RABGEF1: variants seen among roughly 807,000 people sequenced by gnomAD.
RABGEF1 encodes the protein rab5 GDP/GTP exchange factor.
A neutral mutation model predicts 57.3 loss-of-function variants in RABGEF1; 26 were observed. The ratio of observed to expected loss-of-function variants is 0.45; its 90% CI spans 0.33 to 0.63. The LOEUF is 0.63. RABGEF1 is among the 20% of genes least tolerant of loss of function. The probability of loss-of-function intolerance (pLI) is 0.02; values close to 1 mark genes in which losing one functional copy is unlikely to be tolerated. For missense variants in RABGEF1, 464 were observed against 607.6 expected, an observed-to-expected ratio of 0.76 and a Z score of 2.48; for synonymous variants, 185 against 210.7, an observed-to-expected ratio of 0.88 and a Z score of 1.06.
chr7:66,657,005 A>G, the RABGEF1 span, among the ~76,000 whole-genome samples: 1 of 152,158 alleles, frequency 6.6e-6, no homozygotes, highest in East Asian at 1.9e-4. Flanking sequence ...ATCAAAACAT[A>G]TGAAGTAAAA....
chr7:66,771,885 G>T lies in RABGEF1; in HGVS notation c.-15G>T. The T allele has an allele frequency of 6.8e-7, 1 of 1,479,654 alleles. No individual in the cohort carries two copies. The highest frequency in any genetic ancestry group is 9.0e-7 in the Non-Finnish European group (1 of 1,107,536). The allele number at this position is 1,479,654 out of a possible 1,614,324, so 91.7% of individuals were successfully genotyped here. A position where few individuals can be genotyped will look rare whatever the true frequency, so the allele number is the denominator to read the frequency against. ...ACAGCACTTTCTTGTTTGTTCAGTG[G>T]TTAGCAGGAAGAAGATGAGCCTTAA... On this transcript the variant is annotated splice_region_variant and 5_prime_UTR_variant, in exon 2 of 9. Coordinates refer to ENST00000284957, the MANE Select transcript of RABGEF1 (RefSeq NM_014504.3).
intron 6 of RABGEF1, among the ~76,000 whole-genome samples, chr7:66,799,009 A>G (rs1368790524): frequency 6.6e-6 from 1 of 152,254 alleles, no homozygotes; most frequent in African/African-American, 2.4e-5. Context: ...GTAGGCAGCG[A>G]GGACAGGCAG....
intron 1 of RABGEF1, among the ~76,000 whole-genome samples, chr7:66,751,455 ATG>A (rs1202423675): frequency 1.3e-5 from 2 of 152,154 alleles, no homozygotes; most frequent in African/African-American, 2.4e-5. Context: ...AGTTATCTGA[ATG>A]TGAGACATCG....
upstream of RABGEF1, among the ~76,000 whole-genome samples, chr7:66,681,718 C>A (rs1882654): frequency 0.065 from 9,928 of 152,230 alleles, 1,057 homozygotes; most frequent in African/African-American, 0.22. Flanking sequence ...TTAACTCGAA[C>A]ACCTGTCACA....
At chr7:66,677,766 A>C (rs1334062322), upstream of RABGEF1, among the ~76,000 whole-genome samples, 1 of 150,694 alleles carries the variant, frequency 6.6e-6, no homozygotes, top group Non-Finnish European at 1.5e-5. Flanking sequence ...CGTCTCAAAA[A>C]AAAAAAAAAA....
intron 2 of RABGEF1, among the ~76,000 whole-genome samples, chr7:66,724,351 G>GTATT (rs1294532536): frequency 6.6e-6 from 1 of 151,514 alleles, no homozygotes; most frequent in Non-Finnish European, 1.5e-5. Context: ...CTTTGAATCA[G>GTATT]TATTTATTTA....
intron 1 of RABGEF1, among the ~76,000 whole-genome samples, chr7:66,704,350 G>A (rs1793706025): frequency 6.6e-6 from 1 of 152,100 alleles, no homozygotes; most frequent in African/African-American, 2.4e-5. Flanking sequence ...CTTTTTGCCA[G>A]CTTAATTATT....
chr7:66,798,899 C>T (rs1390222736), intron 6 of RABGEF1, among the ~76,000 whole-genome samples: 1 of 152,080 alleles, frequency 6.6e-6, no homozygotes, highest in Non-Finnish European at 1.5e-5. Context: ...GATGCAGAGG[C>T]TGCAGTGAGC....
intron 1 of RABGEF1, among the ~76,000 whole-genome samples, chr7:66,689,360 G>T (rs1190301523): frequency 3.3e-5 from 5 of 151,622 alleles, no homozygotes; most frequent in Admixed American, 1.3e-4. Context: ...GAATGAAAAT[G>T]AGGACATTAC....
At chr7:66,713,764 A>G (rs1795042604) in intron 2 of RABGEF1, among the ~76,000 whole-genome samples, 1 of 152,238 alleles carries the variant, frequency 6.6e-6, no homozygotes, top group South Asian at 2.1e-4. Flanking sequence ...TGCATATGAT[A>G]CATTGATACG....
intron 1 of RABGEF1, among the ~76,000 whole-genome samples, chr7:66,768,425 C>A (rs1037639114): frequency 2.0e-5 from 3 of 152,168 alleles, no homozygotes; most frequent in African/African-American, 7.2e-5. Flanking sequence ...GTTCTTTATA[C>A]ATTCTGGGTA....
In RABGEF1 at chr7:66,742,759, A is replaced by G. The variant is rs988481398; in HGVS notation, c.-18+1967A>G. The stretch of plus-strand genomic sequence containing the variant: ...GTAGCTAAGACTGCAGATGCGTGCC[A>G]CCACACCCAGCTGATTTTTAAATAT... On this transcript the variant is annotated intron_variant, in intron 1 of 8. Coordinates refer to ENST00000284957, the MANE Select transcript of RABGEF1 (RefSeq NM_014504.3). 9.2e-5 allele frequency among the ~76,000 whole-genome samples: 14 copies of G among 152,112 alleles called. 1 individual carries two copies. Among genetic ancestry groups the G allele is most frequent in the Admixed American group, 5.2e-4 (8 of 15,256 alleles).
At chr7:66,751,927 T>C (rs1801514614) in intron 1 of RABGEF1, among the ~76,000 whole-genome samples, 1 of 152,170 alleles carries the variant, frequency 6.6e-6, no homozygotes, top group African/African-American at 2.4e-5. Flanking sequence ...CTGGGCACAT[T>C]GGCTCACACC....
Position 66,703,014 on chromosome 7 carries a change from C to T in RABGEF1, c.-872-9153C>T, listed in dbSNP as rs1457921318. 2.0e-5 allele frequency among the ~76,000 whole-genome samples: 3 copies of T among 152,136 alleles called. No homozygotes were observed. In the East Asian group the frequency reaches 5.8e-4, roughly 29 times the overall value. ...GAGAAGGAGTCTCGCTCTGTCGCCG[C>T]CCAGGCTGGAGGGCAGTGGTGCTAT... is the stretch of plus-strand genomic sequence containing the variant. On this transcript the variant is annotated intron_variant and NMD_transcript_variant, in intron 1 of 9. Coordinates refer to the RABGEF1 transcript ENST00000607882.
At chr7:66,734,815 G>C (rs1797758891) in intron 2 of RABGEF1, among the ~76,000 whole-genome samples, 2 of 152,028 alleles carry the variant, frequency 1.3e-5, no homozygotes, top group South Asian at 4.2e-4. Context: ...GGACACTGCT[G>C]GTCGCTGTGG....
At chr7:66,788,295 A>C (rs1269768528) in intron 4 of RABGEF1, among the ~76,000 whole-genome samples, 1 of 152,118 alleles carries the variant, frequency 6.6e-6, no homozygotes, top group Non-Finnish European at 1.5e-5. Context: ...AAATACAAAA[A>C]TTAGCTGGGC....
chr7:66,728,117 C>G (rs1038826431), intron 2 of RABGEF1, among the ~76,000 whole-genome samples: 4 of 152,318 alleles, frequency 2.6e-5, no homozygotes, highest in Admixed American at 1.3e-4. Context: ...TCCTTTGTGT[C>G]TGCTCAGGAA....
chr7:66,703,783 C>T (rs1480619649), intron 1 of RABGEF1, among the ~76,000 whole-genome samples: 1 of 152,160 alleles, frequency 6.6e-6, no homozygotes, highest in South Asian at 2.1e-4. Flanking sequence ...AGATTCATTG[C>T]ATTTGCATTT....
the RABGEF1 span, among the ~76,000 whole-genome samples, chr7:66,671,162 T>C: frequency 6.6e-6 from 1 of 152,126 alleles, no homozygotes; most frequent in Non-Finnish European, 1.5e-5. Flanking sequence ...TAGGTGTTTT[T>C]TGTTTTTTCG....
Sources: gnomAD v4.1 joint callset for allele counts (sites outside exome capture counted in the v4.1 genomes callset) on GRCh38, gnomAD v4.1.1 for gene constraint, MANE v1.5 for transcripts, NCBI Gene and HGNC (gene_info 2026-07-23, HGNC 2026-07-21) for gene names.